Variants in ZDHHC11 observed in about 807,000 individuals in gnomAD.
ZDHHC11 encodes the protein palmitoyltransferase ZDHHC11.
Under a neutral mutation model 51.3 loss-of-function variants are expected in ZDHHC11, and 44 were observed. That is an observed-to-expected ratio of 0.86 (90% CI 0.67 to 1.10). The LOEUF (loss-of-function observed/expected upper bound fraction) is 1.10. Ranked by LOEUF, ZDHHC11 falls within the 50% of genes least tolerant of loss-of-function variation. The probability of loss-of-function intolerance (pLI) is 0.00; values close to 1 mark genes in which losing one functional copy is unlikely to be tolerated. For missense variants in ZDHHC11, 400 were observed against 537.7 expected (o/e 0.74, Z 2.53); for synonymous variants, 163 against 222.0 (o/e 0.73, Z 2.36).
At chr5:855,545 G>C (rs958264518), upstream of ZDHHC11, among the ~76,000 whole-genome samples, 1 of 145,510 alleles carries the variant, frequency 6.9e-6, no homozygotes, top group African/African-American at 2.6e-5. Flanking sequence ...GAGCCGGCAA[G>C]ACAGACCCCA....
chr5:819,071 CAT>C (rs1458762896), intron 10 of ZDHHC11, among the ~76,000 whole-genome samples: 3 of 151,722 alleles, frequency 2.0e-5, no homozygotes, highest in East Asian at 1.9e-4. Flanking sequence ...CATACGTGCA[CAT>C]GTGACCACAA....
At chr5:838,103 A>T (rs1275378257) in intron 5 of ZDHHC11, among the ~76,000 whole-genome samples, 1 of 151,612 alleles carries the variant, frequency 6.6e-6, no homozygotes, top group Non-Finnish European at 1.5e-5. Context: ...TGTGAGTGCC[A>T]CTCAGCACAG....
intron 11 of ZDHHC11, among the ~76,000 whole-genome samples, chr5:805,659 A>G (rs1739137426): frequency 6.6e-6 from 1 of 151,324 alleles, no homozygotes; most frequent in African/African-American, 2.4e-5. Flanking sequence ...TAAATAGCAG[A>G]AGTGAATCAT....
At position 799,575 on chromosome 5, in the gene ZDHHC11, G is replaced by A. The variant is rs1468287309; in HGVS notation, c.*7+1525C>T. The stretch of plus-strand genomic sequence containing the variant: ...ATGTCCACAGAAGCTGTCAGTTTTT[G>A]CAGATTATTTGCAAGTTGATGCTTC... On this transcript the variant is annotated intron_variant, in intron 12 of 12. Transcript: ENST00000283441. Among the ~76,000 whole-genome samples the A allele has an allele frequency of 3.3e-5, 5 of 151,404 alleles. No homozygotes were observed. The East Asian group carries it at 9.7e-4, about 29-fold the overall frequency.
At chr5:835,423 T>G (rs1236274132) in intron 6 of ZDHHC11, among the ~76,000 whole-genome samples, 2 of 151,050 alleles carry the variant, frequency 1.3e-5, no homozygotes, top group African/African-American at 4.9e-5. Flanking sequence ...TCTCTGTCGG[T>G]GCCACACTGT....
At chr5:808,456 C>T (rs958790393) in intron 11 of ZDHHC11, among the ~76,000 whole-genome samples, 2 of 145,222 alleles carry the variant, frequency 1.4e-5, no homozygotes, top group Admixed American at 6.8e-5. Flanking sequence ...CCCAGCCATG[C>T]CCCACTTCCA....
intron 12 of ZDHHC11, among the ~76,000 whole-genome samples, chr5:796,954 TC>T (rs1737667806): frequency 6.7e-6 from 1 of 149,696 alleles, no homozygotes; most frequent in South Asian, 2.1e-4. Context: ...ACACCTGTAA[TC>T]CCAGCACTTT....
chr5:804,535 T>G (rs907513932), intron 11 of ZDHHC11, among the ~76,000 whole-genome samples: 2 of 151,200 alleles, frequency 1.3e-5, no homozygotes, highest in African/African-American at 4.9e-5. Flanking sequence ...CGCCAAAAGA[T>G]CTACACCAAG....
intron 3 of ZDHHC11, among the ~76,000 whole-genome samples, chr5:846,744 TTCTTGAG>T (rs2150442833): frequency 4.2e-5 from 5 of 120,348 alleles, no homozygotes; most frequent in Non-Finnish European, 6.4e-5. Flanking sequence ...ACACCTCTCG[TTCTTGAG>T]CCTCCACCGT....
At chr5:821,530 G>C (rs569923517) in intron 9 of ZDHHC11, among the ~76,000 whole-genome samples, 2 of 151,314 alleles carry the variant, frequency 1.3e-5, no homozygotes, top group East Asian at 3.9e-4. Flanking sequence ...CAGGGCTCAC[G>C]GCAGACAGGA....
chr5:820,408 T>C (rs1212150213), intron 9 of ZDHHC11, among the ~76,000 whole-genome samples: 3 of 151,596 alleles, frequency 2.0e-5, no homozygotes, highest in Non-Finnish European at 3.0e-5. Flanking sequence ...TTCTCTGCAG[T>C]TGTGATCATT....
At chr5:844,386 G>T (rs1441779422) in intron 3 of ZDHHC11, among the ~76,000 whole-genome samples, 2 of 152,306 alleles carry the variant, frequency 1.3e-5, no homozygotes, top group Admixed American at 6.5e-5. Context: ...TGAGGTCAGA[G>T]ATGCGGTGCG....
intron 11 of ZDHHC11, among the ~76,000 whole-genome samples, chr5:808,679 A>G (rs1739635459): frequency 6.9e-6 from 1 of 145,500 alleles, no homozygotes; most frequent in Admixed American, 6.9e-5. Context: ...GGATTACAGG[A>G]GCATGCCATC....
At chr5:859,856 G>A (rs1397354121), upstream of ZDHHC11, among the ~76,000 whole-genome samples, 2 of 152,172 alleles carry the variant, frequency 1.3e-5, no homozygotes, top group East Asian at 3.9e-4. Context: ...GTTGGGGGGG[G>A]TCCCCAAGGA....
At position 831,336 on chromosome 5, in the gene ZDHHC11, T is replaced by G. The variant is rs1403404578; in HGVS notation, c.935+2437A>C. Among the ~76,000 whole-genome samples the G allele has an allele frequency of 1.3e-5, 2 of 149,192 alleles. 1 individual carries two copies. The highest frequency in any genetic ancestry group is 3.0e-5 in the Non-Finnish European group (2 of 67,064). On this transcript the variant is annotated intron_variant, in intron 7 of 12. Transcript: ENST00000283441. Reference sequence around the variant, plus strand: ...TGGTGGCTCATGTCTGTAATCCCAGTCCTTTCGGAGGCTGGGGCAGGCAGA... The same window carrying G: ...TGGTGGCTCATGTCTGTAATCCCAGGCCTTTCGGAGGCTGGGGCAGGCAGA...
chr5:812,282 C>T (rs867816416), intron 11 of ZDHHC11, among the ~76,000 whole-genome samples: 50 of 151,746 alleles, frequency 3.3e-4, no homozygotes, highest in Middle Eastern at 6.8e-3. Flanking sequence ...GCAAAAGACA[C>T]GATAAACACA....
upstream of ZDHHC11, among the ~76,000 whole-genome samples, chr5:854,847 A>ATG (rs2150506179): frequency 7.4e-6 from 1 of 134,388 alleles, no homozygotes; most frequent in East Asian, 2.4e-4. Flanking sequence ...CAGACCACAC[A>ATG]GAGGACAGCG....
intron 3 of ZDHHC11, among the ~76,000 whole-genome samples, chr5:843,962 GTGCA>G (rs1745626661): frequency 1.1e-5 from 1 of 94,980 alleles, no homozygotes; most frequent in African/African-American, 9.7e-5. Flanking sequence ...CAGGTGGGGG[GTGCA>G]GAGGCAGGGG....
intron 12 of ZDHHC11, among the ~76,000 whole-genome samples, chr5:798,867 C>T (rs1205178852): frequency 1.3e-5 from 2 of 152,284 alleles, no homozygotes; most frequent in East Asian, 1.9e-4. Flanking sequence ...GATTTAGACT[C>T]ATTCAAAAAT....
Sources: allele counts gnomAD v4.1 joint callset (sites outside exome capture counted in the v4.1 genomes callset), GRCh38; gene constraint gnomAD v4.1.1; transcripts MANE v1.5; gene names NCBI Gene and HGNC (gene_info 2026-07-23, HGNC 2026-07-21).